PGK1: variants seen among roughly 807,000 people sequenced by gnomAD.
PGK1 encodes the protein PRP 2.
Under a neutral mutation model 26.9 loss-of-function variants are expected in PGK1, and 3 were observed. That is an observed-to-expected ratio of 0.11 (90% CI 0.05 to 0.29). The LOEUF (loss-of-function observed/expected upper bound fraction) is 0.29, where lower values mean the gene tolerates loss of function less well. Ranked by LOEUF, PGK1 falls within the 10% of genes least tolerant of loss-of-function variation. The pLI is 1.00. For synonymous variants in PGK1, 125 were observed against 115.3 expected (o/e 1.08, Z -0.54); for missense variants, 270 against 314.7 (o/e 0.86, Z 1.07).
Position 78,105,817 on chromosome X carries a change from G to A in PGK1, c.65+1412G>A, listed in dbSNP as rs1036722374. On this transcript the variant is annotated intron_variant, in intron 1 of 10. Coordinates refer to ENST00000373316, the MANE Select transcript of PGK1 (RefSeq NM_000291.4). ...CCTTTGTAATCTGGACAAAGTAGGAGTCACAGCCATGTTAGTACTAGAGGA... is the reference window on the plus strand; with the variant it reads ...CCTTTGTAATCTGGACAAAGTAGGAATCACAGCCATGTTAGTACTAGAGGA... 9.8e-5 allele frequency among the ~76,000 whole-genome samples: 11 copies of A among 111,829 alleles called. 1 individual carries two copies. Among genetic ancestry groups the A allele is most frequent in the Non-Finnish European group, 2.1e-4 (11 of 53,154 alleles).
intron 1 of PGK1, among the ~76,000 whole-genome samples, chrX:78,105,136 A>C (rs2078265098): frequency 8.9e-6 from 1 of 112,325 alleles, no homozygotes; most frequent in Non-Finnish European, 1.9e-5. Flanking sequence ...TGTGGCTAGA[A>C]AAGTAGAATT....
chrX:78,110,117 C>T (rs1297550016), intron 2 of PGK1, among the ~76,000 whole-genome samples, 200 bp downstream of exon 2: 1 of 111,160 alleles, frequency 9.0e-6, no homozygotes, highest in Non-Finnish European at 1.9e-5. Flanking sequence ...AAAGTGATTC[C>T]CCTTCCCTTG....
rs1404059218 is a variant in PGK1, at chrX:78,126,822, AT to A, written c.*993del. 8.9e-6 allele frequency: 1 copy of A among 112,138 alleles called. No individual in the cohort carries two copies. The highest frequency in any genetic ancestry group is 1.9e-5 in the Non-Finnish European group (1 of 53,230). 9.2% of individuals were successfully genotyped at this position (112,138 alleles called of 1,213,427 possible). A position where few individuals can be genotyped will look rare whatever the true frequency, so the allele number is the denominator to read the frequency against. ...TAGTATGCTATGATTAAATTTACTTATGTAACTTTTATTGTCTTTGGCATTA... is the reference window on the plus strand; with the variant it reads ...TAGTATGCTATGATTAAATTTACTTAGTAACTTTTATTGTCTTTGGCATTA... On this transcript the variant is annotated 3_prime_UTR_variant, in exon 11 of 11. Coordinates refer to ENST00000373316, the MANE Select transcript of PGK1 (RefSeq NM_000291.4).
chrX:78,113,712 T>G, intron 2 of PGK1, 32 bp from the exon 3 acceptor site: 1 of 1,193,463 alleles, frequency 8.4e-7, no homozygotes, highest in Non-Finnish European at 1.1e-6. Flanking sequence ...AGGAGTAACT[T>G]CATTCTGTTT....
intron 5 of PGK1, 71 bp downstream of exon 5, chrX:78,117,486 G>A (rs1221324716): frequency 2.7e-6 from 2 of 729,566 alleles, no homozygotes; most frequent in African/African-American, 4.2e-5. Flanking sequence ...CAAGCTCTGG[G>A]TTGTTTTTGG....
At chrX:78,116,658 T>A (rs973580128) in intron 4 of PGK1, among the ~76,000 whole-genome samples, 2 of 112,888 alleles carry the variant, frequency 1.8e-5, no homozygotes, top group Admixed American at 1.9e-4. Context: ...TATGCCTTGA[T>A]GGCAAGCTGA....
rs1557249075 is a variant in PGK1 at position 78,129,226 on chromosome X, T to TATCTATC, written c.*3397_*3403dup. On this transcript the variant is annotated 3_prime_UTR_variant, in exon 11 of 11. Coordinates refer to ENST00000373316, the MANE Select transcript of PGK1 (RefSeq NM_000291.4). ...GAGCATACCCATGTGTGTACCTATC[T>TATCTATC]ATCTATCTATCTATCTATCTATCTA... 9.5e-6 allele frequency: 1 copy of TATCTATC among 105,733 alleles called. No homozygotes were observed. Among genetic ancestry groups the TATCTATC allele is most frequent in the Non-Finnish European group, 2.0e-5 (1 of 50,682 alleles). The allele number at this position is 105,733 out of a possible 1,213,427, so 8.7% of individuals were successfully genotyped here.
intron 6 of PGK1, among the ~76,000 whole-genome samples, chrX:78,119,784 C>T (rs1188771712): frequency 1.8e-5 from 2 of 111,895 alleles, no homozygotes; most frequent in African/African-American, 6.5e-5. Flanking sequence ...TGAGGCCTCT[C>T]CAGCCATGCG....
chrX:78,117,209 A>G lies in PGK1; in HGVS notation c.418-103A>G, dbSNP rs1241611207. 1.2e-5 allele frequency: 7 copies of G among 587,930 alleles called. No individual in the cohort carries two copies. The East Asian group carries it at 1.7e-4, about 14-fold the overall frequency. The allele number at this position is 587,930 out of a possible 1,213,427, so 48.5% of individuals were successfully genotyped here. A position where few individuals can be genotyped will look rare whatever the true frequency, so the allele number is the denominator to read the frequency against. On this transcript the variant is annotated intron_variant, in intron 4 of 10. Coordinates refer to ENST00000373316, the MANE Select transcript of PGK1 (RefSeq NM_000291.4). ...GTTGTAAAAAATCGCTGTCCCACCT[A>G]CTCAGGGTCTTTAGAGATGTTCAAG...
At chrX:78,118,816 G>A (rs1227532042) in intron 6 of PGK1, among the ~76,000 whole-genome samples, 1 of 110,951 alleles carries the variant, frequency 9.0e-6, no homozygotes, top group Non-Finnish European at 1.9e-5. Context: ...AAGGACACAA[G>A]ATCTGGTAGG....
chrX:78,107,435 C>A (rs1395005021), intron 1 of PGK1, among the ~76,000 whole-genome samples: 1 of 111,074 alleles, frequency 9.0e-6, no homozygotes, highest in Non-Finnish European at 1.9e-5. Flanking sequence ...CTGATCTGTC[C>A]ACTGTTTCTA....
chrX:78,117,073 C>T (rs2078330004), intron 4 of PGK1, among the ~76,000 whole-genome samples: 1 of 111,307 alleles, frequency 9.0e-6, no homozygotes, highest in African/African-American at 3.3e-5. Flanking sequence ...GTAAAGCCAT[C>T]GTTCAGGAAT....
At position 78,126,697 on chromosome X, in the gene PGK1, C is replaced by G. The variant is rs1317145623; in HGVS notation, c.*867C>G. The G allele has an allele frequency of 1.8e-5, 2 of 110,338 alleles. No individual in the cohort carries two copies. Among genetic ancestry groups the G allele is most frequent in the Admixed American group, 9.7e-5 (1 of 10,323 alleles). 9.1% of individuals were successfully genotyped at this position (110,338 alleles called of 1,213,427 possible). A position where few individuals can be genotyped will look rare whatever the true frequency, so the allele number is the denominator to read the frequency against. ...CTATTTCATACCATGGAGGAAGGCTCTGTTCCACATATATTTCCACTTCTT... is the reference window on the plus strand; with the variant it reads ...CTATTTCATACCATGGAGGAAGGCTGTGTTCCACATATATTTCCACTTCTT... On this transcript the variant is annotated 3_prime_UTR_variant, in exon 11 of 11. Coordinates refer to ENST00000373316, the MANE Select transcript of PGK1 (RefSeq NM_000291.4).
rs952520851 is a variant in PGK1, at chrX:78,128,656, C to T, written c.*2826C>T. The T allele has an allele frequency of 3.6e-5, 4 of 112,314 alleles. No individual in the cohort carries two copies. Among genetic ancestry groups the T allele is most frequent in the Non-Finnish European group, 7.5e-5 (4 of 53,289 alleles). The allele number at this position is 112,314 out of a possible 1,213,427, so 9.3% of individuals were successfully genotyped here. A position where few individuals can be genotyped will look rare whatever the true frequency, so the allele number is the denominator to read the frequency against. Reference sequence around the variant, plus strand: ...CTTTAAGTTGTAAATTCACCTTTAACCCTAGACTATATATGTGTGTTTATA... The same window carrying T: ...CTTTAAGTTGTAAATTCACCTTTAATCCTAGACTATATATGTGTGTTTATA... On this transcript the variant is annotated 3_prime_UTR_variant, in exon 11 of 11. Transcript: ENST00000373316.
chrX:78,104,250 TC>T lies in PGK1; in HGVS notation c.-89del, dbSNP rs2078256006. The T allele has an allele frequency of 1.5e-6, 1 of 684,989 alleles. No individual in the cohort carries two copies. The highest frequency in any genetic ancestry group is 2.3e-6 in the Non-Finnish European group (1 of 426,562). The allele number at this position is 684,989 out of a possible 1,213,427, so 56.5% of individuals were successfully genotyped here. ...GGCCCTGTTCCTGCCCGCGCGGTGT[TC>T]CGCATTCTGCAAGCCTCCGGAGCGC... On this transcript the variant is annotated 5_prime_UTR_variant, in exon 1 of 11. Coordinates refer to ENST00000373316, the MANE Select transcript of PGK1 (RefSeq NM_000291.4).
chrX:78,124,833 T>C, intron 8 of PGK1, 41 bp from the exon 9 acceptor site: 1 of 1,158,765 alleles, frequency 8.6e-7, no homozygotes, highest in Admixed American at 2.2e-5. Context: ...TTAAGTAGCT[T>C]TTCTTGATAG....
Position 78,125,032 on chromosome X carries a change from G to A in PGK1, c.1095G>A (p.Arg365=), listed in dbSNP as rs1557248503. 8.3e-7 allele frequency: 1 copy of A among 1,208,724 alleles called. No homozygotes were observed. The highest frequency in any genetic ancestry group is 3.0e-5 in the East Asian group (1 of 33,839). The change falls in exon 9 of 11, where the codon AGG becomes AGA. Residue 365 remains arginine, a synonymous_variant. Transcript: ENST00000373316. ...ATGAGGTGGTGAAAGCCACTTCTAG[G>A]GGCTGCATCACCATCATAGGTAAGC... The part of the protein sequence containing the change: ...LMDEVVKATS[R]GCITIIGGGD...
chrX:78,125,022 C>T lies in PGK1; in HGVS notation c.1085C>T (p.Ala362Val). ...GCTCTCATGGATGAGGTGGTGAAAG[C>T]CACTTCTAGGGGCTGCATCACCATC... Reference protein sequence around the residue: ...TKALMDEVVKATSRGCITIIG... With the variant: ...TKALMDEVVKVTSRGCITIIG... Residue 362 changes from alanine to valine, a missense_variant, in exon 9 of 11, where the codon GCC becomes GTC. Around this residue, in one of 3 missense-constraint regions of PGK1, gnomAD observed 103 missense variants for 114.6 expected, o/e 0.90. Coordinates refer to ENST00000373316, the MANE Select transcript of PGK1 (RefSeq NM_000291.4). The T allele has an allele frequency of 8.3e-7, 1 of 1,210,145 alleles. No homozygotes were observed. Among genetic ancestry groups the T allele is most frequent in the Non-Finnish European group, 1.1e-6 (1 of 894,151 alleles).
In PGK1 at chrX:78,109,857, T is replaced by G. The variant is rs948050915; in HGVS notation, c.66-10T>G. ...TAAGTTGATCATGGTCTTGCATCTT[T>G]CTTTTTTAGAGTCGACTTCAATGTT... On this transcript the variant is annotated splice_polypyrimidine_tract_variant and intron_variant, in intron 1 of 10. Transcript: ENST00000373316. The G allele has an allele frequency of 2.6e-6, 3 of 1,175,759 alleles. No homozygotes were observed. In the African/African-American group the frequency reaches 5.3e-5, roughly 21 times the overall value.
Sources: gnomAD v4.1 joint callset for allele counts (sites outside exome capture counted in the v4.1 genomes callset) on GRCh38, gnomAD v4.1.1 for gene constraint, gnomAD v4.1.1 regional missense constraint, MANE v1.5 for transcripts, NCBI Gene and HGNC (gene_info 2026-07-23, HGNC 2026-07-21) for gene names.